The following RBFOX1 variants were observed in gnomAD, a reference collection of about 807,000 sequenced individuals.
RBFOX1 encodes the protein RNA binding protein fox-1 homolog 1.
In RBFOX1, 8 loss-of-function variants were observed where a neutral mutation model predicts 57.7. That is an observed-to-expected ratio of 0.14 (90% CI 0.08 to 0.25). The LOEUF is 0.25. RBFOX1 is among the 10% of genes least tolerant of loss of function. RBFOX1 has a pLI of 1.00. For synonymous variants in RBFOX1, 326 were observed against 222.4 expected, an observed-to-expected ratio of 1.47 and a Z score of -4.15; for missense variants, 611 against 548.5, an observed-to-expected ratio of 1.11 and a Z score of -1.14.
At chr16:6,256,407 G>C (rs2097667601) in intron 1 of RBFOX1, among the ~76,000 whole-genome samples, 1 of 150,082 alleles carries the variant, frequency 6.7e-6, no homozygotes, top group African/African-American at 2.5e-5. Flanking sequence ...GCATGCCCAA[G>C]GTCACCTGGA....
intron 1 of RBFOX1, among the ~76,000 whole-genome samples, chr16:6,190,378 G>A (rs984882414): frequency 2.0e-5 from 3 of 152,116 alleles, no homozygotes; most frequent in African/African-American, 7.2e-5. Context: ...TGTAGTGTCA[G>A]GTATGTAGCA....
chr16:7,469,450 A>G (rs1174569867), intron 4 of RBFOX1, among the ~76,000 whole-genome samples: 3 of 152,166 alleles, frequency 2.0e-5, no homozygotes, highest in South Asian at 2.1e-4. Context: ...GTCACTTGCA[A>G]TGACCTTACA....
Position 5,289,332 on chromosome 16 carries a change from T to C in RBFOX1, c.219+49227T>C, listed in dbSNP as rs369444354. 3.1e-3 allele frequency: 1,251 copies of C among 400,268 alleles called. 22 individuals are homozygous for C. The highest frequency in any genetic ancestry group is 0.014 in the South Asian group (438 of 30,882). 24.8% of individuals were successfully genotyped at this position (400,268 alleles called of 1,614,324 possible). A position where few individuals can be genotyped will look rare whatever the true frequency, so the allele number is the denominator to read the frequency against. On this transcript the variant is annotated intron_variant, in intron 1 of 2. Transcript: ENST00000585867. ...GCCTCATTCCAGGAGCAGGTTCCAC[T>C]GGCATCACCCCAGGAGGAGGAGGAG...
At chr16:7,447,405 G>T (rs992882603) in intron 4 of RBFOX1, among the ~76,000 whole-genome samples, 1 of 144,618 alleles carries the variant, frequency 6.9e-6, no homozygotes, top group African/African-American at 2.6e-5. Context: ...TGCACTCCAG[G>T]CTGGCCAACC....
chr16:6,166,532 C>G (rs1284567227), intron 1 of RBFOX1, among the ~76,000 whole-genome samples: 1 of 152,132 alleles, frequency 6.6e-6, no homozygotes, highest in Non-Finnish European at 1.5e-5. Context: ...TGGTTTCATT[C>G]TCAGGTAGAC....
chr16:6,284,490 G>T (rs1192011849), intron 1 of RBFOX1, among the ~76,000 whole-genome samples: 1 of 152,156 alleles, frequency 6.6e-6, no homozygotes, highest in Non-Finnish European at 1.5e-5. Flanking sequence ...GCAGGTGGGT[G>T]GGCTGCGAAG....
At chr16:7,692,169 G>A (rs995860053) in intron 14 of RBFOX1, among the ~76,000 whole-genome samples, 12 of 152,066 alleles carry the variant, frequency 7.9e-5, no homozygotes, top group African/African-American at 2.7e-4. Context: ...ATTGTCTTAA[G>A]GAAAGTGATA....
intron 1 of RBFOX1, among the ~76,000 whole-genome samples, chr16:6,147,609 G>A (rs960037773): frequency 3.9e-5 from 6 of 152,016 alleles, no homozygotes; most frequent in African/African-American, 1.4e-4. Flanking sequence ...AAGATGAAAA[G>A]AAATTGATTT....
chr16:5,927,961 G>A (rs1452007615), intron 4 of RBFOX1, among the ~76,000 whole-genome samples: 2 of 152,182 alleles, frequency 1.3e-5, no homozygotes, highest in Non-Finnish European at 2.9e-5. Flanking sequence ...GCTGGAGGTT[G>A]TTGGTGAGAT....
chr16:7,237,103 T>G (rs888343393), intron 4 of RBFOX1, among the ~76,000 whole-genome samples: 3 of 152,120 alleles, frequency 2.0e-5, no homozygotes, highest in East Asian at 1.9e-4. Context: ...CCAGCTACTT[T>G]CCAAAACTTC....
At chr16:7,217,369 G>A (rs924501382) in intron 4 of RBFOX1, among the ~76,000 whole-genome samples, 9 of 144,540 alleles carry the variant, frequency 6.2e-5, no homozygotes, top group African/African-American at 2.1e-4. Context: ...GACCTTAGGT[G>A]ATGTCCACCT....
chr16:7,554,187 C>G (rs1261259147), intron 5 of RBFOX1, among the ~76,000 whole-genome samples: 2 of 152,146 alleles, frequency 1.3e-5, no homozygotes, highest in Non-Finnish European at 2.9e-5. Flanking sequence ...CTAACAGTTT[C>G]AATTTAATGT....
intron 3 of RBFOX1, among the ~76,000 whole-genome samples, chr16:5,731,857 A>T (rs8060505): frequency 0.18 from 26,825 of 152,144 alleles, 7,021 homozygotes; most frequent in African/African-American, 0.57. Context: ...CAAGAAAAAT[A>T]AGAAGACACC....
At chr16:6,784,970 C>A in intron 3 of RBFOX1, among the ~76,000 whole-genome samples, 1 of 151,984 alleles carries the variant, frequency 6.6e-6, no homozygotes, top group East Asian at 1.9e-4. Context: ...TATAGGGGAT[C>A]TTTCTTCCTT....
Position 6,307,323 on chromosome 16 carries a change from C to A in RBFOX1, c.-126-9672C>A, listed in dbSNP as rs1015088895. Among the ~76,000 whole-genome samples the A allele has an allele frequency of 3.1e-4, 47 of 152,004 alleles. 1 individual carries two copies. The highest frequency in any genetic ancestry group is 2.3e-3 in the Admixed American group (35 of 15,268). The stretch of plus-strand genomic sequence containing the variant: ...GTGTGAACCCGGGAGGCGGAGCTTG[C>A]AGTGAGCCAAGATCGCGCACTGCAC... On this transcript the variant is annotated intron_variant, in intron 1 of 15. Coordinates refer to ENST00000550418, the MANE Select transcript of RBFOX1 (RefSeq NM_018723.4).
chr16:6,019,531 C>G lies in RBFOX1; in HGVS notation c.-588C>G. On this transcript the variant is annotated 5_prime_UTR_variant, in exon 1 of 16. Transcript: ENST00000550418. The surrounding 1 kb of genome is among the most constrained non-coding windows in gnomAD (Gnocchi z 4.2). ...CCGCGGTGGGGCGGGGGCGCTCTGC[C>G]AGCCCCGGGAACAGCAGAGGCGGCG... 1 of 1,076,356 alleles carries G rather than the reference C, an allele frequency of 9.3e-7. No individual in the cohort carries two copies. Among genetic ancestry groups the G allele is most frequent in the East Asian group, 5.7e-5 (1 of 17,398 alleles). The allele number at this position is 1,076,356 out of a possible 1,614,324, so 66.7% of individuals were successfully genotyped here.
At chr16:5,272,613 G>A (rs185030931) in intron 1 of RBFOX1, among the ~76,000 whole-genome samples, 3 of 152,130 alleles carry the variant, frequency 2.0e-5, no homozygotes, top group South Asian at 4.2e-4. Flanking sequence ...TTTCATTTCC[G>A]GGAGCATACA....
In RBFOX1 at chr16:6,993,132, G is replaced by A. The variant is rs574071957; in HGVS notation, c.-15-58925G>A. Among the ~76,000 whole-genome samples, 67 of 152,280 alleles carry A rather than the reference G, an allele frequency of 4.4e-4. No homozygotes were observed. In the East Asian group the frequency reaches 9.3e-3, roughly 21 times the overall value. Reference sequence around the variant, plus strand: ...TGGTTCTGTGTAGGATCCATAGATGGACTGAACTGTAACACTGACTTTCTT... The same window carrying A: ...TGGTTCTGTGTAGGATCCATAGATGAACTGAACTGTAACACTGACTTTCTT... On this transcript the variant is annotated intron_variant, in intron 3 of 15. Transcript: ENST00000550418.
At chr16:6,780,043 A>T (rs1171600785) in intron 3 of RBFOX1, among the ~76,000 whole-genome samples, 4 of 22,594 alleles carry the variant, frequency 1.8e-4, no homozygotes, top group African/African-American at 2.5e-4. Context: ...ATTTATATAT[A>T]TTTACATATT....
Sources: allele counts gnomAD v4.1 joint callset (sites outside exome capture counted in the v4.1 genomes callset), GRCh38; gene constraint gnomAD v4.1.1; non-coding constraint Gnocchi (gnomAD v3.1); transcripts MANE v1.5; gene names NCBI Gene and HGNC (gene_info 2026-07-23, HGNC 2026-07-21).